The following CADM2 variants were observed in gnomAD, a reference collection of about 807,000 sequenced individuals.
CADM2 encodes immunoglobulin superfamily member 4D.
Under a neutral mutation model 49.8 loss-of-function variants are expected in CADM2, and 12 were observed. The ratio of observed to expected loss-of-function variants is 0.24; its 90% CI spans 0.15 to 0.39. CADM2 has a LOEUF of 0.39. CADM2 is among the 10% of genes least tolerant of loss of function. CADM2 has a pLI of 1.00. For missense variants in CADM2, 378 were observed against 492.3 expected (o/e 0.77, Z 2.20); for synonymous variants, 214 against 175.4 (o/e 1.22, Z -1.74).
intron 1 of CADM2, among the ~76,000 whole-genome samples, chr3:85,516,025 G>C (rs1180853844): frequency 6.6e-6 from 1 of 152,100 alleles, no homozygotes; most frequent in East Asian, 1.9e-4. Flanking sequence ...AATAACAAGT[G>C]ATTAAGCATT....
chr3:85,685,806 A>G (rs2066192801), intron 1 of CADM2, among the ~76,000 whole-genome samples: 1 of 151,486 alleles, frequency 6.6e-6, no homozygotes, highest in South Asian at 2.1e-4. Context: ...TGTATTTTCT[A>G]GTAGAAACGG....
chr3:85,606,289 A>G (rs74843558), intron 1 of CADM2, among the ~76,000 whole-genome samples: 15,619 of 152,016 alleles, frequency 0.1, 1,069 homozygotes, highest in South Asian at 0.12. Flanking sequence ...AATTATTCTA[A>G]TGCACTACTT....
intron 7 of CADM2, among the ~76,000 whole-genome samples, chr3:85,953,425 A>G (rs929283445): frequency 1.3e-5 from 2 of 150,880 alleles, no homozygotes; most frequent in Admixed American, 6.6e-5. Flanking sequence ...TCTTTTCAAC[A>G]TTATGGCCTC....
chr3:85,255,263 TG>T (rs924359299), intron 1 of CADM2, among the ~76,000 whole-genome samples: 1 of 152,026 alleles, frequency 6.6e-6, no homozygotes, highest in African/African-American at 2.4e-5. Context: ...TCAAATTGCC[TG>T]GGTCCATAGC....
chr3:85,579,163 A>G (rs1404206461), intron 1 of CADM2, among the ~76,000 whole-genome samples: 2 of 152,232 alleles, frequency 1.3e-5, no homozygotes, highest in Non-Finnish European at 2.9e-5. Flanking sequence ...AGTAGATTTG[A>G]GCAAATAAAT....
At chr3:85,772,787 A>T (rs2070157133) in intron 2 of CADM2, among the ~76,000 whole-genome samples, 1 of 149,642 alleles carries the variant, frequency 6.7e-6, no homozygotes, top group African/African-American at 2.4e-5. Context: ...CTAGAACAGA[A>T]GCTATGTTTT....
chr3:85,116,359 C>A (rs1422586991), intron 1 of CADM2, among the ~76,000 whole-genome samples: 1 of 152,084 alleles, frequency 6.6e-6, no homozygotes, highest in East Asian at 1.9e-4. Flanking sequence ...CAAAAACAAA[C>A]AAAAGCACAT....
intron 1 of CADM2, among the ~76,000 whole-genome samples, chr3:85,195,341 C>G (rs1367665053): frequency 1.3e-5 from 2 of 151,976 alleles, no homozygotes; most frequent in Admixed American, 1.3e-4. Flanking sequence ...TTCTATCTTT[C>G]TGGGTCTTTG....
At chr3:85,283,535 T>G (rs1197585832) in intron 1 of CADM2, among the ~76,000 whole-genome samples, 1 of 152,096 alleles carries the variant, frequency 6.6e-6, no homozygotes, top group Non-Finnish European at 1.5e-5. Context: ...TTATACTAAA[T>G]GGGCTGGTGT....
intron 2 of CADM2, among the ~76,000 whole-genome samples, chr3:85,789,783 C>T (rs2071218045): frequency 1.3e-5 from 2 of 151,778 alleles, no homozygotes; most frequent in Admixed American, 1.3e-4. Context: ...GTTATGAAGC[C>T]ATATATTCGT....
At chr3:85,970,040 AG>A (rs1346935817) in intron 8 of CADM2, among the ~76,000 whole-genome samples, 2 of 149,922 alleles carry the variant, frequency 1.3e-5, no homozygotes, top group African/African-American at 2.4e-5. Flanking sequence ...GGATAAAATC[AG>A]GGAAATAATT....
At chr3:85,681,437 A>T (rs1343304643) in intron 1 of CADM2, among the ~76,000 whole-genome samples, 1 of 152,164 alleles carries the variant, frequency 6.6e-6, no homozygotes, top group Admixed American at 6.5e-5. Context: ...TTTTCCATCT[A>T]TAACAAAATT....
intron 1 of CADM2, among the ~76,000 whole-genome samples, chr3:85,570,659 C>T (rs1483502812): frequency 2.0e-5 from 3 of 152,082 alleles, no homozygotes; most frequent in Non-Finnish European, 4.4e-5. Flanking sequence ...TAACCTAACA[C>T]AGTGATTAGC....
At chr3:85,750,973 G>C (rs1238074942) in intron 2 of CADM2, among the ~76,000 whole-genome samples, 1 of 151,618 alleles carries the variant, frequency 6.6e-6, no homozygotes, top group African/African-American at 2.4e-5. Context: ...ATTAGATTTA[G>C]AATTTAAATA....
chr3:85,115,044 T>A (rs1277901347), intron 1 of CADM2, among the ~76,000 whole-genome samples: 1 of 152,186 alleles, frequency 6.6e-6, no homozygotes, highest in Non-Finnish European at 1.5e-5. Context: ...TGTTATTTCA[T>A]TTATATCTAC....
At chr3:85,365,981 C>G (rs1576426198) in intron 1 of CADM2, among the ~76,000 whole-genome samples, 2 of 152,226 alleles carry the variant, frequency 1.3e-5, no homozygotes, top group East Asian at 1.9e-4. Context: ...TAGTAATTAC[C>G]TTGGTACTTC....
chr3:85,821,501 T>G (rs1430548648), intron 3 of CADM2, among the ~76,000 whole-genome samples: 1 of 152,154 alleles, frequency 6.6e-6, no homozygotes, highest in East Asian at 1.9e-4. Flanking sequence ...TAAATCCTAG[T>G]CCTCCTTTAG....
At chr3:85,636,922 T>C (rs953251779) in intron 1 of CADM2, among the ~76,000 whole-genome samples, 4 of 152,176 alleles carry the variant, frequency 2.6e-5, no homozygotes, top group Non-Finnish European at 5.9e-5. Flanking sequence ...CACAACAAAA[T>C]GCTTGTCTCA....
chr3:85,758,471 G>A (rs2069223262), intron 2 of CADM2, among the ~76,000 whole-genome samples: 1 of 152,054 alleles, frequency 6.6e-6, no homozygotes, highest in South Asian at 2.1e-4. Context: ...GACACCTTGT[G>A]GAGAAATACT....
Sources: allele counts gnomAD v4.1 joint callset (sites outside exome capture counted in the v4.1 genomes callset), GRCh38; gene constraint gnomAD v4.1.1; transcripts MANE v1.5; gene names NCBI Gene and HGNC (gene_info 2026-07-23, HGNC 2026-07-21).